Variants in GALNT13 observed in about 807,000 individuals in gnomAD.
GALNT13 encodes the protein polypeptide N-acetylgalactosaminyltransferase 13, also known as UDP-GalNAc:polypeptide N-acetylgalactosaminyltransferase 13.
Under a neutral mutation model 64.2 loss-of-function variants are expected in GALNT13, and 28 were observed. The ratio of observed to expected loss-of-function variants is 0.44; its 90% CI spans 0.32 to 0.60. The LOEUF is 0.60. Among genes scored for constraint, GALNT13 ranks in the 20% least tolerant of loss-of-function variants. The pLI is 0.05. For missense variants in GALNT13, 577 were observed against 669.8 expected (o/e 0.86, Z 1.53); for synonymous variants, 214 against 224.6 (o/e 0.95, Z 0.42).
At chr2:153,493,838 G>GA in the GALNT13 span, among the ~76,000 whole-genome samples, 111 of 150,322 alleles carry the variant, frequency 7.4e-4, no homozygotes, top group Non-Finnish European at 1.3e-3. Flanking sequence ...TTCACATCAA[G>GA]AAAAAAAAAT....
chr2:154,235,732 A>G lies in GALNT13; in HGVS notation c.312-6298A>G, dbSNP rs564474718. 5.3e-5 allele frequency among the ~76,000 whole-genome samples: 8 copies of G among 152,310 alleles called. No individual in the cohort carries two copies. The South Asian group carries it at 1.7e-3, about 32-fold the overall frequency. ...TTGGAGTCCTGAATGGATTGTGTCT[A>G]TCTAAATCACTGTGTAATCATGGAT... On this transcript the variant is annotated intron_variant, in intron 4 of 12. Coordinates refer to ENST00000392825, the MANE Select transcript of GALNT13 (RefSeq NM_052917.4).
chr2:153,423,058 T>A, the GALNT13 span, among the ~76,000 whole-genome samples: 1 of 151,870 alleles, frequency 6.6e-6, no homozygotes, highest in Admixed American at 6.6e-5. Flanking sequence ...TCAGGGATGT[T>A]AGTGAAAAAA....
the GALNT13 span, among the ~76,000 whole-genome samples, chr2:153,354,729 C>G: frequency 1.4e-4 from 21 of 152,274 alleles, no homozygotes; most frequent in East Asian, 4.1e-3. Context: ...CCATTCTACT[C>G]CTGTGTGTAA....
At chr2:153,915,498 C>T (rs1689265779) in intron 2 of GALNT13, among the ~76,000 whole-genome samples, 2 of 152,090 alleles carry the variant, frequency 1.3e-5, no homozygotes, top group Non-Finnish European at 2.9e-5. Context: ...ATGGTGACTA[C>T]CTCATTCTCT....
the GALNT13 span, among the ~76,000 whole-genome samples, chr2:153,087,231 A>G: frequency 1.3e-5 from 2 of 152,086 alleles, no homozygotes; most frequent in East Asian, 1.9e-4. Context: ...GCTTCTATTG[A>G]GATGATCATA....
At chr2:153,976,047 T>C (rs1198495201) in intron 3 of GALNT13, among the ~76,000 whole-genome samples, 2 of 152,138 alleles carry the variant, frequency 1.3e-5, no homozygotes, top group African/African-American at 2.4e-5. Flanking sequence ...CCAGCTGACA[T>C]TGCCACTTCA....
chr2:154,202,775 A>G (rs1050921487), intron 4 of GALNT13, among the ~76,000 whole-genome samples: 3 of 152,146 alleles, frequency 2.0e-5, no homozygotes, highest in Non-Finnish European at 4.4e-5. Context: ...ATACTTCAGC[A>G]TTTCAGCATA....
chr2:153,077,217 G>T, the GALNT13 span, among the ~76,000 whole-genome samples: 1 of 152,100 alleles, frequency 6.6e-6, no homozygotes, highest in Non-Finnish European at 1.5e-5. Flanking sequence ...CTCTCAAAGT[G>T]CTGGGATTAC....
At chr2:154,332,383 A>G (rs1237804472) in intron 9 of GALNT13, among the ~76,000 whole-genome samples, 1 of 152,112 alleles carries the variant, frequency 6.6e-6, no homozygotes, top group Non-Finnish European at 1.5e-5. Flanking sequence ...CTCCTCAGCA[A>G]CATCTGTAAA....
At chr2:153,322,804 T>TCC in the GALNT13 span, among the ~76,000 whole-genome samples, 1 of 151,114 alleles carries the variant, frequency 6.6e-6, no homozygotes, top group Admixed American at 6.6e-5. Context: ...TTCCAGCTTC[T>TCC]ATGTTTCTGC....
chr2:153,855,833 C>G, the GALNT13 span, among the ~76,000 whole-genome samples: 1 of 151,986 alleles, frequency 6.6e-6, no homozygotes, highest in African/African-American at 2.4e-5. Context: ...TGAAAATAAC[C>G]TAAATGTTGA....
the GALNT13 span, among the ~76,000 whole-genome samples, chr2:153,198,511 C>G: frequency 6.6e-6 from 1 of 152,276 alleles, no homozygotes; most frequent in South Asian, 2.1e-4. Context: ...TCAGCATTCT[C>G]TCTTAGGTGT....
At chr2:153,143,913 A>G in the GALNT13 span, among the ~76,000 whole-genome samples, 2 of 152,000 alleles carry the variant, frequency 1.3e-5, no homozygotes, top group East Asian at 1.9e-4. Context: ...GTATCTTTAA[A>G]TGACAGGCAT....
chr2:154,165,983 G>A (rs1488013878), intron 4 of GALNT13, among the ~76,000 whole-genome samples: 6 of 152,210 alleles, frequency 3.9e-5, no homozygotes, highest in Non-Finnish European at 8.8e-5. Flanking sequence ...CTCTGTGTAA[G>A]AAGTTTGGGT....
the GALNT13 span, among the ~76,000 whole-genome samples, chr2:153,770,171 C>T: frequency 8.2e-6 from 1 of 121,504 alleles, no homozygotes; most frequent in African/African-American, 3.8e-5. Context: ...CACCCCCCCG[C>T]CCCCCCACAC....
chr2:153,419,000 T>C, the GALNT13 span, among the ~76,000 whole-genome samples: 1 of 152,176 alleles, frequency 6.6e-6, no homozygotes, highest in Non-Finnish European at 1.5e-5. Context: ...ATACCATAGA[T>C]TAAAAAGAAA....
chr2:154,122,787 A>ACATCAGTAGAACTAATGATTTTCT (rs1354519215), intron 3 of GALNT13, among the ~76,000 whole-genome samples: 1 of 151,998 alleles, frequency 6.6e-6, no homozygotes, highest in Non-Finnish European at 1.5e-5. Context: ...GATGTTTATA[A>ACATCAGTAGAACTAATGATTTTCT]CATCAGTAGA....
chr2:154,240,995 G>A (rs926064394), intron 4 of GALNT13, among the ~76,000 whole-genome samples: 2 of 152,168 alleles, frequency 1.3e-5, no homozygotes, highest in African/African-American at 4.8e-5. Context: ...ACTGGTCAAT[G>A]GCTTGCTGGC....
chr2:153,285,864 T>C, the GALNT13 span, among the ~76,000 whole-genome samples: 143 of 152,246 alleles, frequency 9.4e-4, no homozygotes, highest in South Asian at 4.4e-3. Context: ...TGTTTAATTA[T>C]TAGCCAGTGT....
Sources: gnomAD v4.1 joint callset for allele counts (sites outside exome capture counted in the v4.1 genomes callset) on GRCh38, gnomAD v4.1.1 for gene constraint, MANE v1.5 for transcripts, NCBI Gene and HGNC (gene_info 2026-07-23, HGNC 2026-07-21) for gene names.